Variants in DOCK10 observed in about 807,000 individuals in gnomAD.
DOCK10 encodes the protein dedicator of cytokinesis protein 10.
DOCK10 carries 145 observed loss-of-function variants against 280.1 expected under a neutral mutation model. That is an observed-to-expected ratio of 0.52 (90% CI 0.45 to 0.59). The LOEUF is 0.59. DOCK10 is among the 20% of genes least tolerant of loss of function. The probability of loss-of-function intolerance (pLI) is 0.00; values close to 1 mark genes in which losing one functional copy is unlikely to be tolerated. For missense variants in DOCK10, 2,368 were observed against 2,651.7 expected (o/e 0.89, Z 2.35); for synonymous variants, 915 against 942.2 (o/e 0.97, Z 0.53).
At chr2:224,860,144 T>A (rs1697404162) in intron 14 of DOCK10, among the ~76,000 whole-genome samples, 1 of 152,204 alleles carries the variant, frequency 6.6e-6, no homozygotes, top group Admixed American at 6.5e-5. Context: ...AGGAATAATT[T>A]CAATAGTCAG....
chr2:224,791,835 A>G (rs1293263149), intron 47 of DOCK10, among the ~76,000 whole-genome samples: 1 of 152,138 alleles, frequency 6.6e-6, no homozygotes, highest in Non-Finnish European at 1.5e-5. Context: ...AAATATTTAA[A>G]TGAATAAGGG....
Position 225,012,458 on chromosome 2 carries a change from C to T in DOCK10, c.123+29794G>A, listed in dbSNP as rs904067605. Among the ~76,000 whole-genome samples the T allele has an allele frequency of 9.9e-5, 15 of 152,228 alleles. No homozygotes were observed. The South Asian group carries it at 1.0e-3, about 11-fold the overall frequency. ...TAATAATTTTGTACTAAATTCCATCCGCCTCTACTTTACTTTCAAAATAGG... is the reference window on the plus strand; with the variant it reads ...TAATAATTTTGTACTAAATTCCATCTGCCTCTACTTTACTTTCAAAATAGG... On this transcript the variant is annotated intron_variant, in intron 1 of 55. Coordinates refer to ENST00000258390, the MANE Select transcript of DOCK10 (RefSeq NM_014689.3).
At chr2:224,846,111 A>C (rs1446088183) in intron 19 of DOCK10, among the ~76,000 whole-genome samples, 1 of 152,252 alleles carries the variant, frequency 6.6e-6, no homozygotes, top group Non-Finnish European at 1.5e-5. Flanking sequence ...TTCTGCTAGC[A>C]GTGATGTATT....
chr2:224,861,388 G>A (rs956011094), intron 14 of DOCK10: 10 of 152,236 alleles, frequency 6.6e-5, no homozygotes, highest in African/African-American at 2.4e-4. Context: ...CCAAGTCACA[G>A]TAAGTAGTGG....
In DOCK10 at chr2:224,805,441, C is replaced by T. The variant is rs201468439; in HGVS notation, c.3903G>A (p.Glu1301=). The change falls in exon 35 of 56, where the codon GAG becomes GAA. Residue 1301 remains glutamate (E), a synonymous_variant. Transcript: ENST00000258390. The surrounding 1 kb of genome is among the most constrained non-coding windows in gnomAD (Gnocchi z 4.3). ...ASLDSNPSTN[E]KSSEKTDNCE... ...AGTTGTCCGTCTTCTCACTGCTCTT[C>T]TCATTGGTACTTGGATTGGAGTCAA... The T allele has an allele frequency of 1.9e-5, 30 of 1,612,796 alleles. No individual in the cohort carries two copies. The highest frequency in any genetic ancestry group is 2.0e-5 in the Non-Finnish European group (24 of 1,179,184).
At chr2:224,916,640 T>G (rs1701341127) in intron 3 of DOCK10, 55 bp downstream of exon 3, 2 of 1,179,796 alleles carry the variant, frequency 1.7e-6, no homozygotes, top group Non-Finnish European at 1.2e-6. Context: ...GCATTGAGAA[T>G]CCCCTGGGAA....
rs1368103695 is a variant in DOCK10 at position 224,856,270 on chromosome 2, A to T, written c.1808+590T>A. On this transcript the variant is annotated intron_variant, in intron 15 of 55. Coordinates refer to ENST00000258390, the MANE Select transcript of DOCK10 (RefSeq NM_014689.3). ...ACAGTAATAATTTTCCTTGCTATTCACTGATAACATGGGTTTTGTAAGAGT... is the reference window on the plus strand; with the variant it reads ...ACAGTAATAATTTTCCTTGCTATTCTCTGATAACATGGGTTTTGTAAGAGT... Among the ~76,000 whole-genome samples, 8 of 151,602 alleles carry T rather than the reference A, an allele frequency of 5.3e-5. No homozygotes were observed. The South Asian group carries it at 1.7e-3, about 31-fold the overall frequency.
chr2:225,037,466 T>A (rs1365081041), intron 1 of DOCK10, among the ~76,000 whole-genome samples: 1 of 152,172 alleles, frequency 6.6e-6, no homozygotes, highest in Non-Finnish European at 1.5e-5. Context: ...CAGCTACTCA[T>A]ATCCACCGAT....
chr2:224,778,043 T>G, intron 51 of DOCK10, 95 bp downstream of exon 51: 1 of 1,305,324 alleles, frequency 7.7e-7, no homozygotes, highest in Non-Finnish European at 1.1e-6. Flanking sequence ...TAGTTTACTT[T>G]GCATCGTCAG....
At position 224,851,476 on chromosome 2, in the gene DOCK10, C is replaced by T. The variant is rs529522176; in HGVS notation, c.2142+901G>A. On this transcript the variant is annotated intron_variant, in intron 18 of 55. Transcript: ENST00000258390. ...TTTTTTTTAAAAAAAAAAAAAAAGA[C>T]TCTTTTTTATATTTACCTGAATTAA... Among the ~76,000 whole-genome samples the T allele has an allele frequency of 7.8e-5, 11 of 140,290 alleles. No individual in the cohort carries two copies. The East Asian group carries it at 2.2e-3, about 29-fold the overall frequency. The allele number at this position is 140,290 out of a possible 152,430, so 92.0% of individuals were successfully genotyped here. A position where few individuals can be genotyped will look rare whatever the true frequency, so the allele number is the denominator to read the frequency against.
chr2:225,033,407 T>C (rs574933817), intron 1 of DOCK10, among the ~76,000 whole-genome samples: 1 of 152,236 alleles, frequency 6.6e-6, no homozygotes, highest in South Asian at 2.1e-4. Context: ...GGTCTCGAAC[T>C]CCTGACCTCA....
chr2:225,023,306 G>A (rs1202755626), intron 1 of DOCK10, among the ~76,000 whole-genome samples: 1 of 152,100 alleles, frequency 6.6e-6, no homozygotes, highest in Admixed American at 6.6e-5. Flanking sequence ...AAATTGCTGG[G>A]ATTACAGGTG....
At chr2:225,017,145 A>G (rs981900411) in intron 1 of DOCK10, among the ~76,000 whole-genome samples, 2 of 151,074 alleles carry the variant, frequency 1.3e-5, no homozygotes, top group African/African-American at 4.9e-5. Flanking sequence ...GGATTTCCTA[A>G]TCTGATCTAA....
chr2:224,809,598 A>T (rs1287322169), intron 31 of DOCK10, among the ~76,000 whole-genome samples: 1 of 152,172 alleles, frequency 6.6e-6, no homozygotes, highest in Non-Finnish European at 1.5e-5. Context: ...GCCAAAAGAT[A>T]TAGAAAAAGT....
At chr2:225,007,896 A>G (rs1689319751) in intron 1 of DOCK10, among the ~76,000 whole-genome samples, 1 of 152,222 alleles carries the variant, frequency 6.6e-6, no homozygotes, top group Non-Finnish European at 1.5e-5. Flanking sequence ...ATTACGCCTA[A>G]TTGTGAGCAT....
intron 1 of DOCK10, among the ~76,000 whole-genome samples, chr2:224,941,197 C>CTTT (rs545063311): frequency 1.4e-5 from 2 of 140,802 alleles, no homozygotes; most frequent in Non-Finnish European, 3.1e-5. Flanking sequence ...CATTACTGCT[C>CTTT]TTTTTTTTTT....
At chr2:225,037,097 C>A (rs1690281887) in intron 1 of DOCK10, among the ~76,000 whole-genome samples, 1 of 152,114 alleles carries the variant, frequency 6.6e-6, no homozygotes, top group Admixed American at 6.6e-5. Flanking sequence ...GAATTTCAGG[C>A]ACATGTGAGA....
intron 48 of DOCK10, among the ~76,000 whole-genome samples, chr2:224,788,584 G>C (rs1691915257): frequency 6.6e-6 from 1 of 152,090 alleles, no homozygotes; most frequent in Admixed American, 6.5e-5. Flanking sequence ...AATGAGAGGA[G>C]TTCTATTTTC....
At chr2:224,913,078 A>C (rs576102216) in intron 3 of DOCK10, among the ~76,000 whole-genome samples, 1 of 152,258 alleles carries the variant, frequency 6.6e-6, no homozygotes, top group African/African-American at 2.4e-5. Flanking sequence ...CTATTTAAAT[A>C]GATATAATTT....
Sources: allele counts gnomAD v4.1 joint callset (sites outside exome capture counted in the v4.1 genomes callset), GRCh38; gene constraint gnomAD v4.1.1; non-coding constraint Gnocchi (gnomAD v3.1); transcripts MANE v1.5; gene names NCBI Gene and HGNC (gene_info 2026-07-23, HGNC 2026-07-21).